Variants in XIRP2 observed in about 807,000 individuals in gnomAD.
XIRP2 encodes xin actin binding repeat containing 2.
XIRP2 carries 236 observed loss-of-function variants against 277.0 expected under a neutral mutation model. That is an observed-to-expected ratio of 0.85 (90% CI 0.77 to 0.95). XIRP2 has a LOEUF of 0.95. Ranked by LOEUF, XIRP2 falls within the 40% of genes least tolerant of loss-of-function variation. The pLI, the probability that XIRP2 is intolerant of heterozygous loss-of-function variation, is 0.00. For synonymous variants in XIRP2, 1,490 were observed against 1,416.5 expected, an observed-to-expected ratio of 1.05 and a Z score of -1.17; for missense variants, 4,640 against 4,157.5, an observed-to-expected ratio of 1.12 and a Z score of -3.19.
intron 3 of XIRP2, among the ~76,000 whole-genome samples, chr2:167,198,330 A>G (rs1337340267): frequency 6.6e-6 from 1 of 152,222 alleles, no homozygotes; most frequent in Non-Finnish European, 1.5e-5. Flanking sequence ...GAGTTTTGAT[A>G]CATTAAAATT....
chr2:167,015,418 T>TTATC (rs143244808), intron 2 of XIRP2, among the ~76,000 whole-genome samples: 58,006 of 147,100 alleles, frequency 0.39, 11,600 homozygotes, highest in African/African-American at 0.45. Context: ...TATCTGTCTT[T>TTATC]TATCTATCTA....
At chr2:167,159,271 C>G in intron 3 of XIRP2, among the ~76,000 whole-genome samples, 1 of 152,152 alleles carries the variant, frequency 6.6e-6, no homozygotes, top group South Asian at 2.1e-4. Context: ...AGTCCTCCGC[C>G]ATCAAGCTAA....
chr2:166,935,994 T>A (rs541743490), intron 2 of XIRP2, among the ~76,000 whole-genome samples: 1 of 152,228 alleles, frequency 6.6e-6, no homozygotes, highest in Non-Finnish European at 1.5e-5. Context: ...CCATACTGTC[T>A]TCCAAATGGT....
chr2:166,890,112 C>T (rs1283801720), intron 1 of XIRP2, among the ~76,000 whole-genome samples: 2 of 152,006 alleles, frequency 1.3e-5, no homozygotes, highest in East Asian at 3.9e-4. Flanking sequence ...TCTCCTGCCT[C>T]AGCCTCCTGA....
intron 2 of XIRP2, among the ~76,000 whole-genome samples, chr2:166,986,758 G>T (rs779282758): frequency 6.6e-6 from 1 of 152,104 alleles, no homozygotes; most frequent in Admixed American, 6.5e-5. Context: ...TAACTTTTTC[G>T]TGCTGTGAAA....
intron 2 of XIRP2, among the ~76,000 whole-genome samples, chr2:167,085,842 A>G (rs1490075577): frequency 6.6e-6 from 1 of 152,136 alleles, no homozygotes; most frequent in African/African-American, 2.4e-5. Context: ...GTGTCTCTGC[A>G]TGTGAGATGG....
At chr2:167,027,639 A>G (rs552240387) in intron 2 of XIRP2, among the ~76,000 whole-genome samples, 3 of 151,822 alleles carry the variant, frequency 2.0e-5, no homozygotes, top group African/African-American at 7.2e-5. Flanking sequence ...TTGTGGTTTT[A>G]TCTACTTTTG....
In XIRP2 at chr2:167,243,473, A is replaced by C; in HGVS notation, c.2081A>C (p.Tyr694Ser). The change falls in exon 9 of 11, where the codon TAC becomes TCC. Residue 694 changes from tyrosine (Y) to serine (S), a missense_variant. Transcript: ENST00000409195. ...GGGGGGGATGTCAAGACTGTGAGAT[A>C]CATGTTTGAAACTCAACATCTAGAT... Reference protein sequence around the residue: ...ITGGDVKTVRYMFETQHLDQL... With the variant: ...ITGGDVKTVRSMFETQHLDQL... 1 of 1,614,146 alleles carries C rather than the reference A, an allele frequency of 6.2e-7. No individual in the cohort carries two copies. Among genetic ancestry groups the C allele is most frequent in the Non-Finnish European group, 8.5e-7 (1 of 1,179,986 alleles).
intron 3 of XIRP2, among the ~76,000 whole-genome samples, chr2:167,209,672 G>A (rs1036839062): frequency 6.6e-6 from 1 of 151,878 alleles, no homozygotes; most frequent in Admixed American, 6.6e-5. Flanking sequence ...CCCTTGAAAT[G>A]ATTTTGGAAT....
chr2:167,165,173 G>C (rs1692483562), intron 3 of XIRP2, among the ~76,000 whole-genome samples: 1 of 152,108 alleles, frequency 6.6e-6, no homozygotes, highest in African/African-American at 2.4e-5. Context: ...TTCATGCATT[G>C]ATAGCTCATT....
chr2:167,248,070 A>G lies in XIRP2; in HGVS notation c.6678A>G (p.Lys2226=), dbSNP rs941460963. 1.2e-6 allele frequency: 2 copies of G among 1,613,652 alleles called. No individual in the cohort carries two copies. Among genetic ancestry groups the G allele is most frequent in the Non-Finnish European group, 1.7e-6 (2 of 1,179,778 alleles). ...ACACATCCAATGTAACAGAAATGAA[A>G]GTCTCTGAAAAAAGTCACAATACAT... ...EQDTSNVTEM[K]VSEKSHNTFK... is the part of the protein sequence containing the mutation. The change falls in exon 9 of 11, where the codon AAA becomes AAG. Residue 2226 remains lysine, a synonymous_variant. Coordinates refer to ENST00000409195, the MANE Select transcript of XIRP2 (RefSeq NM_152381.6).
chr2:166,943,722 G>C (rs982584644), intron 2 of XIRP2, among the ~76,000 whole-genome samples: 3 of 152,218 alleles, frequency 2.0e-5, no homozygotes, highest in Admixed American at 6.5e-5. Flanking sequence ...GCCCTGTATG[G>C]AAGCAATTCA....
intron 2 of XIRP2, among the ~76,000 whole-genome samples, chr2:166,951,747 C>T (rs1686038671): frequency 6.6e-6 from 1 of 151,988 alleles, no homozygotes; most frequent in African/African-American, 2.4e-5. Context: ...CTAGCCCCAA[C>T]CTAGCTTTCT....
intron 2 of XIRP2, among the ~76,000 whole-genome samples, chr2:167,111,281 GC>G: frequency 6.6e-6 from 1 of 152,200 alleles, no homozygotes; most frequent in East Asian, 1.9e-4. Context: ...TCTAGCTTTT[GC>G]CCCTTCAGTG....
chr2:166,902,817 C>T lies in XIRP2; in HGVS notation c.-18-648C>T, dbSNP rs139816384. 4.2e-3 allele frequency among the ~76,000 whole-genome samples: 640 copies of T among 152,092 alleles called. 5 individuals are homozygous for T. The highest frequency in any genetic ancestry group is 0.015 in the African/African-American group (605 of 41,538). Reference sequence around the variant, plus strand: ...TATTTCAAATCCAGGCTTTGTCACTCAGAATCCTGGGCAAATTACTATTTA... The same window carrying T: ...TATTTCAAATCCAGGCTTTGTCACTTAGAATCCTGGGCAAATTACTATTTA... On this transcript the variant is annotated intron_variant, in intron 1 of 10. Transcript: ENST00000409195.
chr2:167,243,533 A>C lies in XIRP2; in HGVS notation c.2141A>C (p.His714Pro). The C allele has an allele frequency of 6.2e-7, 1 of 1,614,068 alleles. No homozygotes were observed. The highest frequency in any genetic ancestry group is 8.5e-7 in the Non-Finnish European group (1 of 1,179,982). Reference sequence around the variant, plus strand: ...CAGCTTCATTCAGTGGATGAGGTTCATTTACTGCAGCTTAGGTCTGAGCTC... The same window carrying C: ...CAGCTTCATTCAGTGGATGAGGTTCCTTTACTGCAGCTTAGGTCTGAGCTC... ...LGQLHSVDEVHLLQLRSELKE... is the reference protein window; with the variant it reads ...LGQLHSVDEVPLLQLRSELKE... Residue 714 changes from histidine to proline, a missense_variant, in exon 9 of 11, where the codon CAT becomes CCT. Transcript: ENST00000409195.
intron 2 of XIRP2, among the ~76,000 whole-genome samples, chr2:166,965,657 C>T (rs1269229728): frequency 6.6e-6 from 1 of 151,920 alleles, no homozygotes; most frequent in Non-Finnish European, 1.5e-5. Context: ...AATCATGGCT[C>T]ACTGCAGCCT....
chr2:167,225,360 G>A (rs1386970362), intron 5 of XIRP2, among the ~76,000 whole-genome samples: 1 of 151,996 alleles, frequency 6.6e-6, no homozygotes, highest in Non-Finnish European at 1.5e-5. Flanking sequence ...TTGCATATGT[G>A]GTTTCTCAGC....
chr2:167,182,877 A>T (rs1055906137), intron 3 of XIRP2, among the ~76,000 whole-genome samples: 1 of 152,226 alleles, frequency 6.6e-6, no homozygotes, highest in Non-Finnish European at 1.5e-5. Context: ...TAATTAATGA[A>T]CAAGAAAATA....
Sources: gnomAD v4.1 joint callset for allele counts (sites outside exome capture counted in the v4.1 genomes callset) on GRCh38, gnomAD v4.1.1 for gene constraint, MANE v1.5 for transcripts, NCBI Gene and HGNC (gene_info 2026-07-23, HGNC 2026-07-21) for gene names.